Variants in PCDH15 observed in about 807,000 individuals in gnomAD.
The protein encoded by PCDH15 is protocadherin related 15, also known as protocadherin-15.
PCDH15 carries 129 observed loss-of-function variants against 178.5 expected under a neutral mutation model. The observed-to-expected ratio is 0.72, with a 90% CI of 0.63 to 0.84. The LOEUF (loss-of-function observed/expected upper bound fraction) is 0.84, where lower values mean the gene tolerates loss of function less well. PCDH15 is among the 40% of genes least tolerant of loss of function. The pLI, the probability that PCDH15 is intolerant of heterozygous loss-of-function variation, is 0.00. For synonymous variants in PCDH15, 800 were observed against 732.0 expected (o/e 1.09, Z -1.50); for missense variants, 2,230 against 2,099.9 (o/e 1.06, Z -1.21).
chr10:54,405,051 G>C (rs912112034), intron 3 of PCDH15, among the ~76,000 whole-genome samples: 35 of 152,226 alleles, frequency 2.3e-4, no homozygotes, highest in African/African-American at 7.9e-4. Flanking sequence ...TACACTGCTG[G>C]TGGGAGTGGA....
chr10:54,760,851 G>A (rs1947783385), intron 1 of PCDH15, among the ~76,000 whole-genome samples: 1 of 152,114 alleles, frequency 6.6e-6, no homozygotes, highest in African/African-American at 2.4e-5. Context: ...GTAAACTGAA[G>A]TATCTGAGTT....
intron 2 of PCDH15, among the ~76,000 whole-genome samples, chr10:54,559,499 T>C (rs748378060): frequency 6.6e-6 from 1 of 152,054 alleles, no homozygotes; most frequent in African/African-American, 2.4e-5. Context: ...GTGCAAGGCA[T>C]TGAGTATGCA....
At chr10:54,945,376 G>GATAT (rs1564653003) in intron 2 of PCDH15, among the ~76,000 whole-genome samples, 1 of 151,146 alleles carries the variant, frequency 6.6e-6, no homozygotes, top group Non-Finnish European at 1.5e-5. Context: ...TAGATAGATA[G>GATAT]ATAGATAGAT....
intron 2 of PCDH15, among the ~76,000 whole-genome samples, chr10:55,435,541 A>T (rs1839018219): frequency 6.6e-6 from 1 of 152,104 alleles, no homozygotes; most frequent in East Asian, 1.9e-4. Context: ...TCCCTAATCC[A>T]CAAAACACAG....
At chr10:54,558,438 A>G (rs561493147) in intron 2 of PCDH15, among the ~76,000 whole-genome samples, 23 of 152,204 alleles carry the variant, frequency 1.5e-4, no homozygotes, top group African/African-American at 5.5e-4. Context: ...TCTGCCCACC[A>G]GTCTTAAATT....
chr10:55,365,633 T>C (rs1428451957), intron 2 of PCDH15, among the ~76,000 whole-genome samples: 1 of 148,456 alleles, frequency 6.7e-6, no homozygotes, highest in African/African-American at 2.5e-5. Context: ...GCTGTTCTCA[T>C]GAGAGAGAAT....
intron 2 of PCDH15, among the ~76,000 whole-genome samples, chr10:55,452,552 G>GAAAATAATC (rs1469675838): frequency 6.6e-6 from 1 of 152,136 alleles, no homozygotes; most frequent in African/African-American, 2.4e-5. Context: ...CTAGCATTCA[G>GAAAATAATC]AAAATAATCA....
At chr10:55,079,723 G>A (rs1203686696) in intron 2 of PCDH15, among the ~76,000 whole-genome samples, 1 of 152,142 alleles carries the variant, frequency 6.6e-6, no homozygotes, top group East Asian at 1.9e-4. Context: ...CGTTTGTGTT[G>A]GCAGTGGCTT....
intron 1 of PCDH15, among the ~76,000 whole-genome samples, chr10:55,209,584 T>C (rs756934034): frequency 1.3e-5 from 2 of 152,018 alleles, no homozygotes; most frequent in Non-Finnish European, 2.9e-5. Context: ...TTTGGACATA[T>C]GAAAATGAGG....
intron 2 of PCDH15, among the ~76,000 whole-genome samples, chr10:55,527,540 T>A (rs1841327084): frequency 6.6e-6 from 1 of 152,050 alleles, no homozygotes; most frequent in South Asian, 2.1e-4. Context: ...AAGGTTATAT[T>A]CTGAGTTTCT....
chr10:54,450,479 G>A (rs1012407085), intron 3 of PCDH15, among the ~76,000 whole-genome samples: 1 of 149,880 alleles, frequency 6.7e-6, no homozygotes, highest in Non-Finnish European at 1.5e-5. Flanking sequence ...TTTTTATTTT[G>A]CCCCACATAT....
intron 2 of PCDH15, among the ~76,000 whole-genome samples, chr10:55,579,160 T>C (rs1842556306): frequency 6.6e-6 from 1 of 152,216 alleles, no homozygotes; most frequent in African/African-American, 2.4e-5. Flanking sequence ...AGTTACTGAA[T>C]TTAGAATTTC....
intron 2 of PCDH15, among the ~76,000 whole-genome samples, chr10:54,630,822 A>G (rs1324607267): frequency 2.6e-5 from 4 of 152,120 alleles, no homozygotes; most frequent in Non-Finnish European, 4.4e-5. Context: ...AAAAACAAAT[A>G]AGCTCATTGA....
chr10:55,483,640 A>T (rs1840232439), intron 2 of PCDH15, among the ~76,000 whole-genome samples: 1 of 151,646 alleles, frequency 6.6e-6, no homozygotes, highest in Non-Finnish European at 1.5e-5. Flanking sequence ...TATATACCCA[A>T]AGGAATATAA....
At chr10:55,231,665 A>C (rs952887779) in intron 1 of PCDH15, among the ~76,000 whole-genome samples, 1 of 152,002 alleles carries the variant, frequency 6.6e-6, no homozygotes, top group African/African-American at 2.4e-5. Flanking sequence ...TTTTAGATGG[A>C]TGGCTGTCTT....
In PCDH15 at chr10:54,380,995, G is replaced by A. The variant is rs540273288; in HGVS notation, c.158-2053C>T. ...TCAACAAAAAATCTTTCTACTGCTG[G>A]TGTGTTGAAAGAGTTTTGTTTGCTT... On this transcript the variant is annotated intron_variant, in intron 3 of 37. Coordinates refer to ENST00000644397, the MANE Select transcript of PCDH15 (RefSeq NM_001384140.1). Among the ~76,000 whole-genome samples the A allele has an allele frequency of 2.6e-5, 4 of 151,020 alleles. No individual in the cohort carries two copies. The South Asian group carries it at 8.3e-4, about 32-fold the overall frequency.
chr10:54,566,910 AT>A (rs1470907957), intron 2 of PCDH15, among the ~76,000 whole-genome samples: 1 of 152,114 alleles, frequency 6.6e-6, no homozygotes, highest in Admixed American at 6.6e-5. Context: ...AAACTTTCAG[AT>A]TGTCTTCCAA....
chr10:54,705,541 G>T (rs1486705965), intron 1 of PCDH15, among the ~76,000 whole-genome samples: 1 of 152,040 alleles, frequency 6.6e-6, no homozygotes, highest in Admixed American at 6.6e-5. Flanking sequence ...TTCATAGGTT[G>T]TACTTCTTGA....
At chr10:53,854,846 A>C (rs543967840) in intron 28 of PCDH15, among the ~76,000 whole-genome samples, 1 of 152,180 alleles carries the variant, frequency 6.6e-6, no homozygotes, top group African/African-American at 2.4e-5. Flanking sequence ...TGAAAAGATT[A>C]AATTATTTGC....
Sources: gnomAD v4.1 joint callset for allele counts (sites outside exome capture counted in the v4.1 genomes callset) on GRCh38, gnomAD v4.1.1 for gene constraint, MANE v1.5 for transcripts, NCBI Gene and HGNC (gene_info 2026-07-23, HGNC 2026-07-21) for gene names.